Variants in MACROD1 observed in about 807,000 individuals in gnomAD.
MACROD1 encodes the protein mono-ADP ribosylhydrolase 1.
A neutral mutation model predicts 41.4 loss-of-function variants in MACROD1; 31 were observed. The ratio of observed to expected loss-of-function variants is 0.75; its 90% CI spans 0.56 to 1.01. The LOEUF is 1.01. Ranked by LOEUF, MACROD1 falls within the 50% of genes least tolerant of loss-of-function variation. MACROD1 has a pLI of 0.00. For missense variants in MACROD1, 473 were observed against 460.0 expected (o/e 1.03, Z -0.26); for synonymous variants, 252 against 203.4 (o/e 1.24, Z -2.03).
At chr11:64,150,614 G>A (rs1302140913) in intron 3 of MACROD1, among the ~76,000 whole-genome samples, 3 of 152,210 alleles carry the variant, frequency 2.0e-5, no homozygotes, top group African/African-American at 7.2e-5. Flanking sequence ...CCATGCCAAA[G>A]TCCTTTCCTG....
intron 3 of MACROD1, among the ~76,000 whole-genome samples, chr11:64,031,672 T>G (rs982245098): frequency 3.9e-5 from 6 of 152,028 alleles, no homozygotes; most frequent in African/African-American, 1.5e-4. Context: ...GAGACGGGGT[T>G]TTGCCATGTT....
chr11:64,153,077 C>T (rs1053382005), intron 1 of MACROD1, among the ~76,000 whole-genome samples: 1 of 152,104 alleles, frequency 6.6e-6, no homozygotes, highest in Non-Finnish European at 1.5e-5. Context: ...AGGCACCCCC[C>T]ACCCGCTCAC....
rs1019097486 is a variant in MACROD1 at position 64,080,154 on chromosome 11, A to C, written c.518-64873T>G. On this transcript the variant is annotated intron_variant, in intron 3 of 10. Transcript: ENST00000255681. ...CAGCCTCCCGAGTAGCGGGGATTAC[A>C]GGCGTGCGCCACCATGCCTGGCTAA... 4.6e-5 allele frequency among the ~76,000 whole-genome samples: 7 copies of C among 152,206 alleles called. No individual in the cohort carries two copies. The South Asian group carries it at 6.2e-4, about 13-fold the overall frequency.
At chr11:64,145,210 T>C (rs76226108) in intron 3 of MACROD1, among the ~76,000 whole-genome samples, 156 of 152,272 alleles carry the variant, frequency 1.0e-3, no homozygotes, top group African/African-American at 3.6e-3. Context: ...AAAATCTCCC[T>C]GCGAGGTCGG....
rs955896944 is a variant in MACROD1, at chr11:64,070,802, G to A, written c.518-55521C>T. Among the ~76,000 whole-genome samples the A allele has an allele frequency of 2.6e-5, 4 of 152,226 alleles. No homozygotes were observed. In the South Asian group the frequency reaches 6.2e-4, roughly 24 times the overall value. Reference sequence around the variant, plus strand: ...AAATTTAATAACTGGTGGGAGACGAGGCGTGAACAATAATAGTTTTTTGCT... The same window carrying A: ...AAATTTAATAACTGGTGGGAGACGAAGCGTGAACAATAATAGTTTTTTGCT... On this transcript the variant is annotated intron_variant, in intron 3 of 10. Transcript: ENST00000255681.
At chr11:64,121,721 G>A (rs565426668) in intron 3 of MACROD1, among the ~76,000 whole-genome samples, 11 of 152,330 alleles carry the variant, frequency 7.2e-5, no homozygotes, top group Admixed American at 2.0e-4. Context: ...CCGGGCTCCC[G>A]TGCACAGCTG....
At chr11:64,028,175 C>T (rs572700463) in intron 3 of MACROD1, among the ~76,000 whole-genome samples, 1 of 145,292 alleles carries the variant, frequency 6.9e-6, no homozygotes, top group South Asian at 2.4e-4. Context: ...TGGGGAGGCG[C>T]ATGGGAAGGG....
chr11:64,011,065 TTGGGGTGTTGAAGTGTTGGC>T (rs1347934463), intron 4 of MACROD1, among the ~76,000 whole-genome samples: 2 of 143,014 alleles, frequency 1.4e-5, no homozygotes, highest in East Asian at 2.2e-4. Flanking sequence ...GGCATGTTGG[TTGGGGTGTTGAAGTGTTGGC>T]TGGGGTGTTG....
intron 3 of MACROD1, among the ~76,000 whole-genome samples, chr11:64,079,615 C>T (rs982432404): frequency 2.6e-5 from 4 of 152,100 alleles, no homozygotes; most frequent in Non-Finnish European, 4.4e-5. Context: ...ATGGGCTAGA[C>T]GGAGGCAGAG....
intron 3 of MACROD1, among the ~76,000 whole-genome samples, chr11:64,059,344 C>T (rs193019726): frequency 6.6e-5 from 10 of 152,276 alleles, no homozygotes; most frequent in South Asian, 4.1e-4. Context: ...ACATGGGAGG[C>T]GTTGCGGGCT....
chr11:64,102,035 CCT>C (rs904599613), intron 3 of MACROD1, among the ~76,000 whole-genome samples: 57 of 152,308 alleles, frequency 3.7e-4, no homozygotes, highest in African/African-American at 1.3e-3. Context: ...CCCTAATATC[CCT>C]GTTTTTATTT....
Position 64,122,179 on chromosome 11 carries a change from C to T in MACROD1, c.517+29060G>A, listed in dbSNP as rs1041531336. On this transcript the variant is annotated intron_variant, in intron 3 of 10. Coordinates refer to ENST00000255681, the MANE Select transcript of MACROD1 (RefSeq NM_014067.4). The surrounding 1 kb of genome is among the most constrained non-coding windows in gnomAD (Gnocchi z 4.0). ...CCACAGACATGATGTGCATCAAAAG[C>T]TCCTTTTCTTCCCTTTTCTCCTTCC... Among the ~76,000 whole-genome samples, 1 of 152,244 alleles carries T rather than the reference C, an allele frequency of 6.6e-6. No homozygotes were observed.
chr11:64,131,616 G>A (rs564722115), intron 3 of MACROD1, among the ~76,000 whole-genome samples: 1 of 152,086 alleles, frequency 6.6e-6, no homozygotes, highest in African/African-American at 2.4e-5. Context: ...GTGAGCCACC[G>A]CGCCCAGCCC....
rs957536714 is a variant in MACROD1 at position 64,122,668 on chromosome 11, T to C, written c.517+28571A>G. 6.6e-6 allele frequency among the ~76,000 whole-genome samples: 1 copy of C among 151,484 alleles called. No individual in the cohort carries two copies. The highest frequency in any genetic ancestry group is 6.6e-5 in the Admixed American group (1 of 15,214). ...AGCCTCTGTTTCCCCTTCTGTAAAG[T>C]GGGGGTGTGCTAGGGAGGGGTCCAG... On this transcript the variant is annotated intron_variant, in intron 3 of 10. Coordinates refer to ENST00000255681, the MANE Select transcript of MACROD1 (RefSeq NM_014067.4). The surrounding 1 kb of genome is among the most constrained non-coding windows in gnomAD (Gnocchi z 4.0).
chr11:64,049,488 A>G (rs1365697730), intron 3 of MACROD1, among the ~76,000 whole-genome samples: 1 of 152,162 alleles, frequency 6.6e-6, no homozygotes, highest in Admixed American at 6.5e-5. Flanking sequence ...GGGAGGTATG[A>G]GGAAACTGAG....
chr11:63,998,901 C>A, intron 9 of MACROD1, 29 bp from the exon 10 acceptor site: 1 of 1,593,640 alleles, frequency 6.3e-7, no homozygotes, highest in Non-Finnish European at 8.5e-7. Flanking sequence ...TGAGAGCCCG[C>A]CCCCAGGGTG....
chr11:64,117,531 C>A, intron 3 of MACROD1: 1 of 1,603,364 alleles, frequency 6.2e-7, no homozygotes, highest in Middle Eastern at 1.7e-4. Flanking sequence ...GCTGCGCCTC[C>A]CCGACTCCAA....
chr11:64,030,831 G>A (rs898373617), intron 3 of MACROD1, among the ~76,000 whole-genome samples: 7 of 151,718 alleles, frequency 4.6e-5, no homozygotes, highest in Non-Finnish European at 1.0e-4. Context: ...TGGGAGCATC[G>A]CTTGAGCTCA....
intron 3 of MACROD1, among the ~76,000 whole-genome samples, chr11:64,049,420 G>A (rs1159221308): frequency 2.6e-5 from 4 of 152,146 alleles, no homozygotes; most frequent in Non-Finnish European, 5.9e-5. Flanking sequence ...CTTCCTGTGC[G>A]CTGGGCCCAG....
Sources: allele counts gnomAD v4.1 joint callset (sites outside exome capture counted in the v4.1 genomes callset), GRCh38; gene constraint gnomAD v4.1.1; non-coding constraint Gnocchi (gnomAD v3.1); transcripts MANE v1.5; gene names NCBI Gene and HGNC (gene_info 2026-07-23, HGNC 2026-07-21).